Variants in MYO1D observed in about 807,000 individuals in gnomAD.
MYO1D encodes the protein myosin ID.
In MYO1D, 83 loss-of-function variants were observed where a neutral mutation model predicts 122.0. That is an observed-to-expected ratio of 0.68 (90% CI 0.57 to 0.82). The LOEUF is 0.82. MYO1D is among the 40% of genes least tolerant of loss of function. MYO1D has a pLI of 0.00. For missense variants in MYO1D, 1,157 were observed against 1,269.5 expected (o/e 0.91, Z 1.35); for synonymous variants, 464 against 446.9 (o/e 1.04, Z -0.48).
intron 1 of MYO1D, among the ~76,000 whole-genome samples, chr17:32,841,524 G>C (rs958480171): frequency 6.6e-6 from 1 of 151,884 alleles, no homozygotes; most frequent in Non-Finnish European, 1.5e-5. Context: ...CATTTAAATT[G>C]TAGCTCCCAG....
chr17:32,544,101 C>CTT (rs542735823), intron 21 of MYO1D, among the ~76,000 whole-genome samples: 20 of 140,850 alleles, frequency 1.4e-4, no homozygotes, highest in Admixed American at 5.7e-4. Flanking sequence ...CCAAATCTTG[C>CTT]TTTTTTTTTT....
intron 20 of MYO1D, among the ~76,000 whole-genome samples, chr17:32,633,826 CT>C (rs1010178445): frequency 1.1e-4 from 17 of 152,178 alleles, no homozygotes; most frequent in Non-Finnish European, 2.9e-5. Flanking sequence ...TAAATGTCAA[CT>C]TCTCAGTGAG....
At chr17:32,869,345 T>A (rs1228624910) in intron 1 of MYO1D, among the ~76,000 whole-genome samples, 1 of 152,226 alleles carries the variant, frequency 6.6e-6, no homozygotes, top group Non-Finnish European at 1.5e-5. Flanking sequence ...AGACATACAA[T>A]GCATATTTTA....
intron 20 of MYO1D, among the ~76,000 whole-genome samples, chr17:32,611,174 G>C (rs572949477): frequency 6.6e-6 from 1 of 152,174 alleles, no homozygotes; most frequent in Non-Finnish European, 1.5e-5. Context: ...GCAATGGAAT[G>C]AGCGCTAGAG....
At chr17:32,676,440 C>T (rs983793989) in intron 16 of MYO1D, among the ~76,000 whole-genome samples, 1 of 149,352 alleles carries the variant, frequency 6.7e-6, no homozygotes, top group African/African-American at 2.5e-5. Flanking sequence ...CTTTTTATTA[C>T]ATTTACAAAG....
At chr17:32,777,023 G>A (rs2090179008) in intron 3 of MYO1D, among the ~76,000 whole-genome samples, 1 of 152,172 alleles carries the variant, frequency 6.6e-6, no homozygotes, top group African/African-American at 2.4e-5. Flanking sequence ...AAATATGTGT[G>A]TGGGGGGAAA....
At chr17:32,622,900 C>T (rs1322639173) in intron 20 of MYO1D, among the ~76,000 whole-genome samples, 1 of 152,246 alleles carries the variant, frequency 6.6e-6, no homozygotes, top group Admixed American at 6.5e-5. Context: ...TCAACAACCA[C>T]CCATCTGCTT....
chr17:32,730,462 A>G (rs936505664), intron 14 of MYO1D, among the ~76,000 whole-genome samples: 1 of 152,112 alleles, frequency 6.6e-6, no homozygotes, highest in African/African-American at 2.4e-5. Context: ...CACTTAGTAT[A>G]CTCTTCCTAT....
chr17:32,735,080 G>GC (rs1567616592), intron 14 of MYO1D, among the ~76,000 whole-genome samples: 3 of 73,922 alleles, frequency 4.1e-5, no homozygotes, highest in Non-Finnish European at 7.4e-5. Context: ...GATTCCATCT[G>GC]AACACACACA....
chr17:32,630,940 A>T (rs1314238935), intron 20 of MYO1D, among the ~76,000 whole-genome samples: 1 of 152,014 alleles, frequency 6.6e-6, no homozygotes. Flanking sequence ...CTGTCTTCAC[A>T]TGGCCTTCCC....
chr17:32,746,423 A>C (rs750597010), intron 12 of MYO1D, among the ~76,000 whole-genome samples: 6 of 152,248 alleles, frequency 3.9e-5, no homozygotes, highest in Admixed American at 2.6e-4. Context: ...TAGCATTCAA[A>C]GACCAGCATC....
At chr17:32,530,074 T>C (rs1910462344) in intron 21 of MYO1D, 1 of 152,188 alleles carries the variant, frequency 6.6e-6, no homozygotes, top group Admixed American at 6.5e-5. Flanking sequence ...AGAGTCTCAG[T>C]TCTCCAGGGA....
At chr17:32,733,308 CA>C (rs1461380451) in intron 14 of MYO1D, among the ~76,000 whole-genome samples, 1 of 152,208 alleles carries the variant, frequency 6.6e-6, no homozygotes, top group African/African-American at 2.4e-5. Context: ...CTAAGGAAAA[CA>C]GTTTTACTTG....
chr17:32,704,475 C>A (rs1383115720), intron 16 of MYO1D, among the ~76,000 whole-genome samples: 1 of 152,182 alleles, frequency 6.6e-6, no homozygotes, highest in African/African-American at 2.4e-5. Flanking sequence ...TAAATTGGTA[C>A]AATCTTTCTA....
chr17:32,658,588 T>A (rs567156320), intron 17 of MYO1D: 1 of 152,490 alleles, frequency 6.6e-6, no homozygotes, highest in South Asian at 2.1e-4. Flanking sequence ...AACAGTTATT[T>A]TCCCCTTTGG....
chr17:32,855,467 T>A (rs1030826275), intron 1 of MYO1D, among the ~76,000 whole-genome samples: 12 of 152,232 alleles, frequency 7.9e-5, no homozygotes, highest in Non-Finnish European at 1.6e-4. Flanking sequence ...CTCAATGTTA[T>A]GATTGTGAGA....
chr17:32,868,958 C>T (rs764937513), intron 1 of MYO1D, among the ~76,000 whole-genome samples: 2 of 151,574 alleles, frequency 1.3e-5, no homozygotes, highest in Admixed American at 1.3e-4. Flanking sequence ...CCTGTAATCT[C>T]AAAACTTTGG....
chr17:32,685,457 G>T lies in MYO1D; in HGVS notation c.2122-26119C>A, dbSNP rs993890483. Among the ~76,000 whole-genome samples the T allele has an allele frequency of 5.3e-5, 8 of 152,198 alleles. No individual in the cohort carries two copies. The East Asian group carries it at 1.5e-3, about 29-fold the overall frequency. On this transcript the variant is annotated intron_variant, in intron 16 of 21. Transcript: ENST00000318217. ...TGAGAGGCTATCTAGCAGATATTCT[G>T]TTCTTCCAAAGGGGCAGAAAACCCT...
intron 21 of MYO1D, among the ~76,000 whole-genome samples, chr17:32,577,690 A>G (rs1244897321): frequency 6.6e-6 from 1 of 152,074 alleles, no homozygotes; most frequent in Non-Finnish European, 1.5e-5. Flanking sequence ...AATAGAGCAT[A>G]AATAAGAATC....
Sources: allele counts gnomAD v4.1 joint callset (sites outside exome capture counted in the v4.1 genomes callset), GRCh38; gene constraint gnomAD v4.1.1; transcripts MANE v1.5; gene names NCBI Gene and HGNC (gene_info 2026-07-23, HGNC 2026-07-21).